Variants in AIG1 observed in about 807,000 individuals in gnomAD.
The protein encoded by AIG1 is androgen induced 1, also known as androgen-induced gene 1 protein.
In AIG1, 23 loss-of-function variants were observed where a neutral mutation model predicts 31.4. The observed-to-expected ratio is 0.73, with a 90% CI of 0.53 to 1.04. The LOEUF (loss-of-function observed/expected upper bound fraction) is 1.04. AIG1 is among the 50% of genes least tolerant of loss of function. The pLI is 0.00. For missense variants in AIG1, 274 were observed against 295.0 expected (o/e 0.93, Z 0.52); for synonymous variants, 100 against 110.5 (o/e 0.90, Z 0.60).
intron 2 of AIG1, among the ~76,000 whole-genome samples, chr6:143,151,779 C>G (rs1785255367): frequency 1.3e-5 from 2 of 152,228 alleles, no homozygotes; most frequent in South Asian, 4.1e-4. Flanking sequence ...TGTCCACACT[C>G]TCCCTAGAGG....
At chr6:143,278,614 G>A (rs375524606) in intron 3 of AIG1, among the ~76,000 whole-genome samples, 4 of 151,836 alleles carry the variant, frequency 2.6e-5, no homozygotes, top group East Asian at 1.9e-4. Context: ...GATTACAGGC[G>A]CCTGCCACCA....
At chr6:143,151,597 G>A (rs967489003) in intron 2 of AIG1, among the ~76,000 whole-genome samples, 3 of 152,148 alleles carry the variant, frequency 2.0e-5, no homozygotes, top group Non-Finnish European at 4.4e-5. Flanking sequence ...AGGAAGTCCC[G>A]AAATATTCTT....
intron 3 of AIG1, among the ~76,000 whole-genome samples, chr6:143,184,134 G>A (rs947339369): frequency 6.6e-6 from 1 of 152,174 alleles, no homozygotes; most frequent in Non-Finnish European, 1.5e-5. Context: ...CAGTATCCTG[G>A]CTAATTACCT....
rs1777322063 is a variant in AIG1, at chr6:143,334,402, G to T, written c.679+957G>T. ...ACAAATAACGCACAGTGAGTGCATG[G>T]TTACTGTGCATGGTTACTGAATCAG... On this transcript the variant is annotated intron_variant, in intron 5 of 5. Coordinates refer to ENST00000357847, the MANE Select transcript of AIG1 (RefSeq NM_016108.4). The surrounding 1 kb of genome is among the most constrained non-coding windows in gnomAD (Gnocchi z 5.1). 6.6e-6 allele frequency among the ~76,000 whole-genome samples: 1 copy of T among 152,210 alleles called. No homozygotes were observed.
rs1285529823 is a variant in AIG1, at chr6:143,327,757, A to T, written c.516-5525A>T. The T allele has an allele frequency of 1.8e-5, 3 of 163,420 alleles. No individual in the cohort carries two copies. The highest frequency in any genetic ancestry group is 3.9e-5 in the Non-Finnish European group (3 of 75,990). 10.1% of individuals were successfully genotyped at this position (163,420 alleles called of 1,614,324 possible). A position where few individuals can be genotyped will look rare whatever the true frequency, so the allele number is the denominator to read the frequency against. The stretch of plus-strand genomic sequence containing the variant: ...GATGAAAGAGAGGGAAGTATCAAAG[A>T]TGACTTGCAATGTTTGAGTTACAAA... On this transcript the variant is annotated intron_variant, in intron 4 of 5. Transcript: ENST00000357847. The surrounding 1 kb of genome is among the most constrained non-coding windows in gnomAD (Gnocchi z 5.3).
chr6:143,285,790 T>G (rs1797644022), intron 4 of AIG1, among the ~76,000 whole-genome samples: 1 of 152,176 alleles, frequency 6.6e-6, no homozygotes, highest in Non-Finnish European at 1.5e-5. Context: ...GTTGACTTTC[T>G]CTGATAAAAA....
chr6:143,084,780 C>G (rs60445283), intron 1 of AIG1, among the ~76,000 whole-genome samples: 5 of 151,976 alleles, frequency 3.3e-5, no homozygotes, highest in African/African-American at 1.2e-4. Context: ...AATTTATAGG[C>G]TTTCTCCTAG....
chr6:143,228,331 G>A (rs919232630), intron 3 of AIG1, among the ~76,000 whole-genome samples: 3 of 152,104 alleles, frequency 2.0e-5, no homozygotes, highest in South Asian at 2.1e-4. Context: ...TGAATGAAGC[G>A]CCCACCTCTG....
rs570365752 is a variant in AIG1, at chr6:143,118,918, G to C, written c.142-17917G>C. 3.3e-5 allele frequency among the ~76,000 whole-genome samples: 5 copies of C among 150,130 alleles called. No homozygotes were observed. In the East Asian group the frequency reaches 9.8e-4, roughly 29 times the overall value. On this transcript the variant is annotated intron_variant, in intron 1 of 5. Coordinates refer to ENST00000357847, the MANE Select transcript of AIG1 (RefSeq NM_016108.4). ...AGACAGGGTCTTATTCTGTCACCCA[G>C]GCTGGAGTACAGTGGTATGATCATG...
At chr6:143,091,253 T>C (rs1278348638) in intron 1 of AIG1, among the ~76,000 whole-genome samples, 4 of 152,230 alleles carry the variant, frequency 2.6e-5, no homozygotes, top group Non-Finnish European at 4.4e-5. Flanking sequence ...AGGGTTGGAA[T>C]TGACTTCTTC....
chr6:143,202,690 G>T (rs901543363), intron 3 of AIG1, among the ~76,000 whole-genome samples: 2 of 152,092 alleles, frequency 1.3e-5, no homozygotes, highest in African/African-American at 4.8e-5. Flanking sequence ...ATTCCCTCGT[G>T]CCCCTGGAAT....
At chr6:143,102,990 T>C (rs1299588428) in intron 1 of AIG1, among the ~76,000 whole-genome samples, 1 of 152,224 alleles carries the variant, frequency 6.6e-6, no homozygotes, top group Non-Finnish European at 1.5e-5. Context: ...GAAATGGATA[T>C]TAGAGTACAA....
At chr6:143,060,854 G>T, upstream of AIG1, 6 of 1,053,338 alleles carry the variant, frequency 5.7e-6, no homozygotes, top group South Asian at 1.5e-4. Context: ...CACGGCGCCC[G>T]CCCCCGCGCG....
chr6:143,209,541 G>C (rs1791425933), intron 3 of AIG1, among the ~76,000 whole-genome samples: 1 of 152,152 alleles, frequency 6.6e-6, no homozygotes, highest in African/African-American at 2.4e-5. Flanking sequence ...GGCCATTGCT[G>C]GTTCTGAAGA....
intron 3 of AIG1, among the ~76,000 whole-genome samples, chr6:143,282,339 T>C (rs964000663): frequency 6.6e-5 from 10 of 152,200 alleles, no homozygotes; most frequent in African/African-American, 2.4e-4. Flanking sequence ...ATGTAAGATT[T>C]GATAAGACAT....
intron 4 of AIG1, among the ~76,000 whole-genome samples, chr6:143,303,613 GT>G (rs1225120887): frequency 1.3e-5 from 2 of 150,932 alleles, no homozygotes; most frequent in African/African-American, 4.8e-5. Context: ...GTACCATGCT[GT>G]TTTGGTTACT....
chr6:143,323,782 A>T (rs1056199141), intron 4 of AIG1, among the ~76,000 whole-genome samples: 1 of 152,098 alleles, frequency 6.6e-6, no homozygotes, highest in Admixed American at 6.5e-5. Flanking sequence ...CAGAGTGAAG[A>T]CTCAAGAAAC....
chr6:143,152,092 T>A (rs1018714643), intron 2 of AIG1, among the ~76,000 whole-genome samples: 1 of 152,238 alleles, frequency 6.6e-6, no homozygotes, highest in Non-Finnish European at 1.5e-5. Context: ...CAGTTTCCAC[T>A]GTTACAGTAG....
chr6:143,272,472 A>AAAT (rs1796599885), intron 3 of AIG1, among the ~76,000 whole-genome samples: 1 of 152,180 alleles, frequency 6.6e-6, no homozygotes, highest in South Asian at 2.1e-4. Flanking sequence ...GTGAACACAC[A>AAAT]CCAGCTTTTA....
Sources: allele counts gnomAD v4.1 joint callset (sites outside exome capture counted in the v4.1 genomes callset), GRCh38; gene constraint gnomAD v4.1.1; non-coding constraint Gnocchi (gnomAD v3.1); transcripts MANE v1.5; gene names NCBI Gene and HGNC (gene_info 2026-07-23, HGNC 2026-07-21).